Variants in CNTNAP4 observed in about 807,000 individuals in gnomAD.
CNTNAP4 encodes contactin associated protein family member 4.
CNTNAP4 carries 98 observed loss-of-function variants against 148.4 expected under a neutral mutation model. That is an observed-to-expected ratio of 0.66 (90% confidence interval 0.56 to 0.78). The LOEUF (loss-of-function observed/expected upper bound fraction) is 0.78. Among genes scored for constraint, CNTNAP4 ranks in the 30% least tolerant of loss-of-function variants. CNTNAP4 has a pLI of 0.00. For synonymous variants in CNTNAP4, 730 were observed against 565.1 expected (o/e 1.29, Z -4.14); for missense variants, 1,935 against 1,565.6 (o/e 1.24, Z -3.98).
At chr16:76,335,335 C>G (rs1963927014) in intron 2 of CNTNAP4, among the ~76,000 whole-genome samples, 1 of 152,162 alleles carries the variant, frequency 6.6e-6, no homozygotes, top group Admixed American at 6.5e-5. Context: ...CATCTCCCAC[C>G]TAGCTCAGAC....
chr16:76,451,599 ATGTG>A (rs71134761), intron 7 of CNTNAP4, among the ~76,000 whole-genome samples: 2,500 of 141,350 alleles, frequency 0.018, 68 homozygotes, highest in African/African-American at 0.059. Context: ...TTTTAGATAG[ATGTG>A]TGTGTGTGTG....
chr16:76,350,768 C>T (rs181098661), intron 2 of CNTNAP4, among the ~76,000 whole-genome samples: 1 of 152,256 alleles, frequency 6.6e-6, no homozygotes, highest in East Asian at 1.9e-4. Context: ...CATAACAATA[C>T]TACAGCATTT....
intron 16 of CNTNAP4, among the ~76,000 whole-genome samples, 164 bp from the exon 17 acceptor site, chr16:76,521,875 C>A (rs182754220): frequency 6.6e-6 from 1 of 152,120 alleles, no homozygotes; most frequent in Admixed American, 6.5e-5. Flanking sequence ...AGACCTAGCT[C>A]TGTGTCAGTG....
chr16:76,479,176 A>G (rs1027912517), intron 11 of CNTNAP4, among the ~76,000 whole-genome samples: 6 of 152,098 alleles, frequency 3.9e-5, no homozygotes, highest in Non-Finnish European at 7.4e-5. Context: ...TTGACCAAGT[A>G]ATTTCATTTT....
rs1039063427 is a variant in CNTNAP4 at position 76,496,085 on chromosome 16, T to G, written c.2237+1019T>G. On this transcript the variant is annotated intron_variant, in intron 14 of 23. Coordinates refer to ENST00000611870, the MANE Select transcript of CNTNAP4 (RefSeq NM_033401.5). ...TTATATCATAAACATCAAGATTATG[T>G]TGTGTGTGTGTGTGTGTGTGTGCGT... 1.2e-4 allele frequency among the ~76,000 whole-genome samples: 17 copies of G among 140,164 alleles called. No homozygotes were observed. In the South Asian group the frequency reaches 3.7e-3, roughly 30 times the overall value. The allele number at this position is 140,164 out of a possible 152,430, so 92.0% of individuals were successfully genotyped here.
At chr16:76,438,339 C>T (rs1041648170) in intron 4 of CNTNAP4, among the ~76,000 whole-genome samples, 2 of 152,014 alleles carry the variant, frequency 1.3e-5, no homozygotes, top group Admixed American at 6.6e-5. Context: ...TCAGTATCTA[C>T]GTAGGGCTGG....
chr16:76,543,980 G>A (rs80232270), intron 21 of CNTNAP4, among the ~76,000 whole-genome samples: 5,654 of 152,164 alleles, frequency 0.037, 180 homozygotes, highest in Admixed American at 0.1. Flanking sequence ...AACAGAGAAC[G>A]CCACTCAACA....
chr16:76,329,829 G>A (rs1486536319), intron 2 of CNTNAP4, among the ~76,000 whole-genome samples: 2 of 152,028 alleles, frequency 1.3e-5, no homozygotes, highest in East Asian at 1.9e-4. Flanking sequence ...TTTATAATAG[G>A]CTATAAAAAT....
chr16:76,402,941 G>A (rs1350745767), intron 3 of CNTNAP4, among the ~76,000 whole-genome samples: 1 of 151,614 alleles, frequency 6.6e-6, no homozygotes, highest in East Asian at 2.0e-4. Context: ...ATTTGCTGAA[G>A]ATTGTTTTAT....
chr16:76,319,451 A>G (rs2144123902), intron 2 of CNTNAP4, among the ~76,000 whole-genome samples: 1 of 152,288 alleles, frequency 6.6e-6, no homozygotes, highest in East Asian at 1.9e-4. Flanking sequence ...CATTCGAAGT[A>G]TGCTAATTTA....
intron 9 of CNTNAP4, among the ~76,000 whole-genome samples, chr16:76,464,136 C>G (rs1408382038): frequency 6.6e-6 from 1 of 152,144 alleles, no homozygotes; most frequent in Non-Finnish European, 1.5e-5. Context: ...ACTTCCCAGC[C>G]TTGTACTTCC....
intron 9 of CNTNAP4, among the ~76,000 whole-genome samples, chr16:76,464,473 A>G (rs2081104054): frequency 6.6e-6 from 1 of 152,072 alleles, no homozygotes; most frequent in African/African-American, 2.4e-5. Flanking sequence ...CCCCCTGGAA[A>G]GTTCTATGTA....
At chr16:76,522,696 CTTTTCTT>C (rs1568497264) in intron 17 of CNTNAP4, among the ~76,000 whole-genome samples, 2,575 of 26,156 alleles carry the variant, frequency 0.098, 367 homozygotes, top group Non-Finnish European at 0.1. Context: ...CCTTTCTTTT[CTTTTCTT>C]TTCTTTTCTT....
intron 3 of CNTNAP4, among the ~76,000 whole-genome samples, chr16:76,393,420 A>G (rs986146646): frequency 2.0e-5 from 3 of 152,188 alleles, no homozygotes; most frequent in African/African-American, 4.8e-5. Flanking sequence ...GCTTAAGACT[A>G]TCATTTTGGA....
At chr16:76,519,889 C>T (rs542575941) in intron 15 of CNTNAP4, among the ~76,000 whole-genome samples, 10 of 152,258 alleles carry the variant, frequency 6.6e-5, no homozygotes, top group East Asian at 1.9e-4. Context: ...AAGCATTATT[C>T]GGTCTAGAAT....
intron 1 of CNTNAP4, among the ~76,000 whole-genome samples, chr16:76,295,977 C>T (rs568830582): frequency 6.6e-6 from 1 of 152,272 alleles, no homozygotes; most frequent in Admixed American, 6.5e-5. Context: ...CATGTGCCAC[C>T]ATGGCCAGCT....
chr16:76,417,511 T>C, intron 3 of CNTNAP4, among the ~76,000 whole-genome samples: 1 of 151,596 alleles, frequency 6.6e-6, no homozygotes, highest in African/African-American at 2.4e-5. Flanking sequence ...CAACATTCAT[T>C]TGTAATTTAG....
rs1303150691 is a variant in CNTNAP4, at chr16:76,319,159, G to A, written c.196+2636G>A. ...AATCCTAGCACTTTGAAAGTCTGAG[G>A]CAGGAGGATTACTTGAGCTCAGGAG... On this transcript the variant is annotated intron_variant, in intron 2 of 23. Transcript: ENST00000611870. Among the ~76,000 whole-genome samples the A allele has an allele frequency of 5.3e-5, 8 of 152,100 alleles. No homozygotes were observed. In the East Asian group the frequency reaches 1.5e-3, roughly 29 times the overall value.
At chr16:76,474,972 C>G (rs1338551742) in intron 10 of CNTNAP4, among the ~76,000 whole-genome samples, 1 of 152,128 alleles carries the variant, frequency 6.6e-6, no homozygotes, top group Non-Finnish European at 1.5e-5. Flanking sequence ...CTGTTGAACA[C>G]GGCACCGTTT....
Sources: gnomAD v4.1 joint callset for allele counts (sites outside exome capture counted in the v4.1 genomes callset) on GRCh38, gnomAD v4.1.1 for gene constraint, MANE v1.5 for transcripts, NCBI Gene and HGNC (gene_info 2026-07-23, HGNC 2026-07-21) for gene names.